LINGO1: variants seen among roughly 807,000 people sequenced by gnomAD.
The protein encoded by LINGO1 is leucine-rich repeat and immunoglobulin-like domain-containing nogo receptor-interacting protein 1.
Under a neutral mutation model 37.3 loss-of-function variants are expected in LINGO1, and 11 were observed. That is an observed-to-expected ratio of 0.29 (90% CI 0.19 to 0.49). The LOEUF is 0.49. Among genes scored for constraint, LINGO1 ranks in the 20% least tolerant of loss-of-function variants. The pLI, the probability that LINGO1 is intolerant of heterozygous loss-of-function variation, is 0.99. For missense variants in LINGO1, 585 were observed against 878.2 expected (o/e 0.67, Z 4.22); for synonymous variants, 387 against 403.0 (o/e 0.96, Z 0.48).
intron 2 of LINGO1, among the ~76,000 whole-genome samples, chr15:77,719,683 T>A (rs28379266): frequency 6.7e-6 from 1 of 149,800 alleles, no homozygotes; most frequent in Non-Finnish European, 1.5e-5. Flanking sequence ...CTAGAACACA[T>A]ACACACACAC....
At chr15:77,646,861 G>A (rs957587547) in intron 3 of LINGO1, among the ~76,000 whole-genome samples, 1 of 152,084 alleles carries the variant, frequency 6.6e-6, no homozygotes, top group Non-Finnish European at 1.5e-5. Context: ...CTTTCCCCTG[G>A]GACAGCAGAC....
chr15:77,625,042 G>C (rs1038540550), intron 1 of LINGO1, among the ~76,000 whole-genome samples: 1 of 152,178 alleles, frequency 6.6e-6, no homozygotes, highest in African/African-American at 2.4e-5. Flanking sequence ...CCTTCCTGGG[G>C]CCCCCAGGGG....
rs146526179 is a variant in LINGO1, at chr15:77,801,684, T to A, written c.-457-5631A>T. ...TAAAGGGGGAGGGGACCAACATCCATCCATTCAGCCCCATCCAGTCCCAGC... is the reference window on the plus strand; with the variant it reads ...TAAAGGGGGAGGGGACCAACATCCAACCATTCAGCCCCATCCAGTCCCAGC... On this transcript the variant is annotated intron_variant, in intron 1 of 5. Coordinates refer to the LINGO1 transcript ENST00000562933. Among the ~76,000 whole-genome samples, 14 of 151,852 alleles carry A rather than the reference T, an allele frequency of 9.2e-5. No homozygotes were observed. The East Asian group carries it at 2.7e-3, about 29-fold the overall frequency.
chr15:77,801,468 G>A (rs944241446), intron 1 of LINGO1, among the ~76,000 whole-genome samples: 4 of 152,190 alleles, frequency 2.6e-5, no homozygotes, highest in African/African-American at 7.2e-5. Context: ...AGGACAGCAC[G>A]CCAAGCTTTA....
chr15:77,682,639 C>T (rs1481919294), intron 2 of LINGO1, among the ~76,000 whole-genome samples: 1 of 152,086 alleles, frequency 6.6e-6, no homozygotes, highest in East Asian at 1.9e-4. Flanking sequence ...CAGCCGATTC[C>T]TGAATATTTC....
intron 1 of LINGO1, among the ~76,000 whole-genome samples, chr15:77,775,103 C>G (rs1245239219): frequency 6.6e-6 from 1 of 152,190 alleles, no homozygotes; most frequent in East Asian, 1.9e-4. Flanking sequence ...TTGCAGGGAA[C>G]TGGGGATGGC....
At chr15:77,701,304 G>A (rs1438964378), upstream of LINGO1, among the ~76,000 whole-genome samples, 1 of 152,162 alleles carries the variant, frequency 6.6e-6, no homozygotes, top group Non-Finnish European at 1.5e-5. Context: ...GTCATCCCAA[G>A]CCCAGGGCCA....
intron 1 of LINGO1, among the ~76,000 whole-genome samples, chr15:77,763,801 T>G (rs11632255): frequency 0.16 from 25,081 of 152,136 alleles, 2,551 homozygotes; most frequent in Admixed American, 0.3. Context: ...CAGGGCTCTG[T>G]GATCCCAAAG....
At chr15:77,794,132 C>T (rs2076839089) in intron 2 of LINGO1, among the ~76,000 whole-genome samples, 1 of 152,062 alleles carries the variant, frequency 6.6e-6, no homozygotes, top group African/African-American at 2.4e-5. Context: ...ACGCTCCTGC[C>T]CCCTGCCCTT....
intron 2 of LINGO1, among the ~76,000 whole-genome samples, chr15:77,687,578 G>A (rs1229459878): frequency 6.6e-6 from 1 of 152,196 alleles, no homozygotes; most frequent in African/African-American, 2.4e-5. Flanking sequence ...GCTCGAGCAG[G>A]GAAGCTCTTC....
intron 1 of LINGO1, among the ~76,000 whole-genome samples, chr15:77,692,224 CACA>C (rs1160306077): frequency 1.3e-5 from 2 of 152,216 alleles, no homozygotes; most frequent in Non-Finnish European, 2.9e-5. Flanking sequence ...ATGGAATCTG[CACA>C]ACAACTGGGT....
At chr15:77,772,394 G>A (rs145715812) in intron 1 of LINGO1, among the ~76,000 whole-genome samples, 1 of 152,298 alleles carries the variant, frequency 6.6e-6, no homozygotes, top group African/African-American at 2.4e-5. Flanking sequence ...CGTAAGAGGA[G>A]GGTGCAAGCA....
At chr15:77,783,424 T>C (rs1218325751) in intron 1 of LINGO1, among the ~76,000 whole-genome samples, 5 of 151,896 alleles carry the variant, frequency 3.3e-5, no homozygotes, top group South Asian at 2.1e-4. Flanking sequence ...GCTCCCAAAG[T>C]CTCCTGCCCC....
chr15:77,700,964 A>G (rs1406880057), upstream of LINGO1, among the ~76,000 whole-genome samples: 1 of 152,184 alleles, frequency 6.6e-6, no homozygotes, highest in Non-Finnish European at 1.5e-5. Flanking sequence ...CAGCATCACC[A>G]TGGAAGAGGG....
intron 2 of LINGO1, among the ~76,000 whole-genome samples, chr15:77,793,844 C>T (rs1006769378): frequency 6.6e-6 from 1 of 152,208 alleles, no homozygotes; most frequent in Non-Finnish European, 1.5e-5. Flanking sequence ...AGAAGACTGA[C>T]GGGCTAAACA....
At chr15:77,698,034 G>T (rs909151359), upstream of LINGO1, among the ~76,000 whole-genome samples, 5 of 152,094 alleles carry the variant, frequency 3.3e-5, no homozygotes, top group African/African-American at 1.2e-4. Flanking sequence ...CATTGCAGCC[G>T]CCACCTGGGG....
At chr15:77,683,105 C>A (rs751159166) in intron 2 of LINGO1, among the ~76,000 whole-genome samples, 13 of 152,150 alleles carry the variant, frequency 8.5e-5, no homozygotes, top group Non-Finnish European at 7.3e-5. Context: ...GGAAGAAACA[C>A]CCATGGGCAA....
chr15:77,803,307 G>A (rs1336608042), intron 1 of LINGO1, among the ~76,000 whole-genome samples: 8 of 152,112 alleles, frequency 5.3e-5, no homozygotes, highest in Admixed American at 5.2e-4. Context: ...ACTGAGCCAG[G>A]AGTGGTGGCA....
chr15:77,794,719 C>T (rs542769006), intron 2 of LINGO1, among the ~76,000 whole-genome samples: 74 of 151,504 alleles, frequency 4.9e-4, no homozygotes, highest in African/African-American at 1.7e-3. Flanking sequence ...TCCCGAGTAG[C>T]TGGGACTACA....
Sources: gnomAD v4.1 joint callset for allele counts (sites outside exome capture counted in the v4.1 genomes callset) on GRCh38, gnomAD v4.1.1 for gene constraint, MANE v1.5 for transcripts, NCBI Gene and HGNC (gene_info 2026-07-23, HGNC 2026-07-21) for gene names.